The following PSORS1C1 variants were observed in gnomAD, a reference collection of about 807,000 sequenced individuals.
The protein encoded by PSORS1C1 is psoriasis susceptibility 1 candidate 1, also known as psoriasis susceptibility 1 candidate gene 1 protein.
PSORS1C1 carries 7 observed loss-of-function variants against 9.4 expected under a neutral mutation model. That is an observed-to-expected ratio of 0.75 (90% confidence interval 0.42 to 1.40). PSORS1C1 has a LOEUF of 1.40. PSORS1C1 is among the 40% of genes most tolerant of loss of function. PSORS1C1 has a pLI of 0.01. For synonymous variants in PSORS1C1, 63 were observed against 69.4 expected, an observed-to-expected ratio of 0.91 and a Z score of 0.46; for missense variants, 146 against 178.1, an observed-to-expected ratio of 0.82 and a Z score of 1.02.
chr6:31,134,414 T>C (rs1291335772), intron 3 of PSORS1C1, among the ~76,000 whole-genome samples: 2 of 151,954 alleles, frequency 1.3e-5, no homozygotes, highest in East Asian at 1.9e-4. Flanking sequence ...GCCATTCTCC[T>C]GTCTCAGCCT....
At chr6:31,121,178 G>GGT (rs1475568927) in intron 1 of PSORS1C1, among the ~76,000 whole-genome samples, 2 of 151,890 alleles carry the variant, frequency 1.3e-5, no homozygotes, top group Non-Finnish European at 2.9e-5. Context: ...GGGGGTGGGG[G>GGT]GGTGCTGGGA....
intron 1 of PSORS1C1, chr6:31,117,421 A>G (rs1562753578): frequency 1.3e-6 from 2 of 1,564,670 alleles, no homozygotes; most frequent in Non-Finnish European, 1.7e-6. Flanking sequence ...GTAGCTACTG[A>G]AACCGCTGGA....
At chr6:31,123,371 T>A (rs1461537291) in intron 1 of PSORS1C1, among the ~76,000 whole-genome samples, 2 of 152,216 alleles carry the variant, frequency 1.3e-5, no homozygotes, top group Non-Finnish European at 2.9e-5. Flanking sequence ...AATCTTTCTC[T>A]CAGTGCAGGT....
intron 1 of PSORS1C1, chr6:31,116,925 C>A (rs1189913146): frequency 6.2e-7 from 1 of 1,614,128 alleles, no homozygotes; most frequent in Middle Eastern, 1.6e-4. Context: ...AGACGATGGG[C>A]CCTCCACTGC....
chr6:31,119,425 A>G (rs1049963303), intron 1 of PSORS1C1, among the ~76,000 whole-genome samples: 7 of 152,214 alleles, frequency 4.6e-5, no homozygotes, highest in African/African-American at 1.7e-4. Flanking sequence ...AAGGGCTATA[A>G]GTACCCGGTG....
At chr6:31,137,712 A>C in intron 3 of PSORS1C1, 9 of 384,274 alleles carry the variant, frequency 2.3e-5, no homozygotes, top group Admixed American at 4.4e-5. Context: ...GAGGCGAGGT[A>C]GGAGAGTAGG....
At chr6:31,133,275 C>T (rs1279894155) in intron 3 of PSORS1C1, among the ~76,000 whole-genome samples, 4 of 146,884 alleles carry the variant, frequency 2.7e-5, no homozygotes, top group East Asian at 2.2e-4. Context: ...GGGTGAAGGG[C>T]GTTGGGGGTC....
chr6:31,118,826 A>C (rs1772301302), intron 1 of PSORS1C1: 1 of 122,116 alleles, frequency 8.2e-6, no homozygotes, highest in Non-Finnish European at 1.8e-5. Context: ...TCCACCTGGA[A>C]GTTTTTTCTT....
intron 3 of PSORS1C1, among the ~76,000 whole-genome samples, chr6:31,134,541 G>A (rs533228706): frequency 2.6e-5 from 4 of 152,048 alleles, no homozygotes; most frequent in South Asian, 2.1e-4. Flanking sequence ...TCCTGACCTC[G>A]TGATTCGCCC....
chr6:31,136,674 A>G (rs1481906961), intron 3 of PSORS1C1, among the ~76,000 whole-genome samples: 1 of 152,136 alleles, frequency 6.6e-6, no homozygotes, highest in Non-Finnish European at 1.5e-5. Flanking sequence ...TCTTTAATAT[A>G]GTGTTCTCAG....
intron 1 of PSORS1C1, among the ~76,000 whole-genome samples, chr6:31,123,322 C>G (rs1772545596): frequency 1.3e-5 from 2 of 152,256 alleles, no homozygotes; most frequent in Non-Finnish European, 2.9e-5. Flanking sequence ...TACTGAAACC[C>G]TGCCTTCTGT....
chr6:31,124,173 C>T (rs190279433), intron 1 of PSORS1C1, among the ~76,000 whole-genome samples: 42 of 152,206 alleles, frequency 2.8e-4, no homozygotes, highest in Non-Finnish European at 4.6e-4. Context: ...GGGAACCAAA[C>T]GGCTTTGAAT....
At chr6:31,124,791 A>AAAACC (rs1241565483) in intron 1 of PSORS1C1, among the ~76,000 whole-genome samples, 2 of 152,184 alleles carry the variant, frequency 1.3e-5, no homozygotes, top group Non-Finnish European at 2.9e-5. Flanking sequence ...CCAACATGGC[A>AAAACC]AAACCATCTC....
intron 1 of PSORS1C1, chr6:31,116,675 T>C: frequency 6.2e-7 from 1 of 1,612,762 alleles, no homozygotes; most frequent in Non-Finnish European, 8.5e-7. Flanking sequence ...TTACCCTTAC[T>C]GTAGGTCATG....
intron 1 of PSORS1C1, chr6:31,116,243 G>A: frequency 6.2e-7 from 1 of 1,614,052 alleles, no homozygotes; most frequent in South Asian, 1.1e-5. Context: ...GACATGCAAG[G>A]GTGACCAGAA....
chr6:31,119,232 C>T (rs1344384870), intron 1 of PSORS1C1, among the ~76,000 whole-genome samples: 2 of 152,144 alleles, frequency 1.3e-5, no homozygotes, highest in Non-Finnish European at 2.9e-5. Context: ...GACTGCCATC[C>T]TCTGTGATGT....
intron 3 of PSORS1C1, chr6:31,137,651 C>A (rs1303438148): frequency 2.9e-6 from 1 of 349,978 alleles, no homozygotes; most frequent in African/African-American, 2.1e-5. Flanking sequence ...CCTGCCCCAG[C>A]GATCGCGCGG....
intron 1 of PSORS1C1, chr6:31,120,275 G>A (rs1772381930): frequency 1.5e-6 from 2 of 1,322,874 alleles, no homozygotes; most frequent in Non-Finnish European, 1.1e-6. Context: ...CCTTCGCTGG[G>A]TCCTCTCCCG....
At position 31,138,657 on chromosome 6, in the gene PSORS1C1, C is replaced by A. The variant is rs916096813; in HGVS notation, c.45C>A (p.Gly15=). The change falls in exon 5 of 6, where the codon GGC becomes GGA. Residue 15 remains glycine, a splice_region_variant and synonymous_variant. Transcript: ENST00000259881. ...AGTGGGTTACACCTTGGCCCCCAGG[C>A]ACACAGACCCCAGCTTTACAAGGAC... is the stretch of plus-strand genomic sequence containing the variant. ...DQKSHSQRAL[G]TQTPALQGPQ... is the part of the protein sequence containing the mutation. The A allele has an allele frequency of 6.8e-6, 11 of 1,613,128 alleles. No homozygotes were observed. In the Admixed American group the frequency reaches 1.7e-4, roughly 24 times the overall value.
Sources: gnomAD v4.1 joint callset for allele counts (sites outside exome capture counted in the v4.1 genomes callset) on GRCh38, gnomAD v4.1.1 for gene constraint, MANE v1.5 for transcripts, NCBI Gene and HGNC (gene_info 2026-07-23, HGNC 2026-07-21) for gene names.